Variants in LRFN5 observed in about 807,000 individuals in gnomAD.
The protein encoded by LRFN5 is leucine-rich repeat and fibronectin type-III domain-containing protein 5.
In LRFN5, 24 loss-of-function variants were observed where a neutral mutation model predicts 45.6. The ratio of observed to expected loss-of-function variants is 0.53; its 90% CI spans 0.38 to 0.74. The LOEUF is 0.74. Among genes scored for constraint, LRFN5 ranks in the 30% least tolerant of loss-of-function variants. The pLI is 0.00. For missense variants in LRFN5, 776 were observed against 861.5 expected (o/e 0.90, Z 1.24); for synonymous variants, 340 against 313.8 (o/e 1.08, Z -0.88).
chr14:41,824,528 G>A (rs984780036), intron 2 of LRFN5, among the ~76,000 whole-genome samples: 10 of 152,250 alleles, frequency 6.6e-5, no homozygotes, highest in Admixed American at 2.6e-4. Context: ...CTGAGATTGC[G>A]GAGCTCAGGA....
chr14:41,639,436 A>T (rs1346255267), intron 1 of LRFN5, among the ~76,000 whole-genome samples: 1 of 152,168 alleles, frequency 6.6e-6, no homozygotes, highest in African/African-American at 2.4e-5. Context: ...GAACTCTTCC[A>T]AGAACTGGAC....
At position 41,717,248 on chromosome 14, in the gene LRFN5, A is replaced by G. The variant is rs557188398; in HGVS notation, c.-196-49606A>G. Among the ~76,000 whole-genome samples the G allele has an allele frequency of 2.0e-5, 3 of 152,300 alleles. No homozygotes were observed. The South Asian group carries it at 6.2e-4, about 32-fold the overall frequency. The stretch of plus-strand genomic sequence containing the variant: ...ACTCAACCTCTATTACATCCCATTT[A>G]ATTGTCTTAGGCAAAACATGTTTGA... On this transcript the variant is annotated intron_variant, in intron 1 of 5. Transcript: ENST00000298119.
chr14:41,618,918 T>A (rs1306351885), intron 1 of LRFN5, among the ~76,000 whole-genome samples: 2 of 152,218 alleles, frequency 1.3e-5, no homozygotes, highest in East Asian at 3.9e-4. Context: ...GATTTCTCAG[T>A]AGGTAAAATT....
intron 2 of LRFN5, among the ~76,000 whole-genome samples, chr14:41,783,822 G>A (rs924985519): frequency 1.3e-5 from 2 of 151,982 alleles, no homozygotes; most frequent in African/African-American, 4.8e-5. Flanking sequence ...GAAGATTAGC[G>A]TTTTAGTTTC....
At chr14:41,631,546 A>G (rs547543374) in intron 1 of LRFN5, among the ~76,000 whole-genome samples, 2 of 152,156 alleles carry the variant, frequency 1.3e-5, no homozygotes, top group Non-Finnish European at 2.9e-5. Flanking sequence ...AGATTTAAAT[A>G]TATAAAATAT....
chr14:41,722,924 A>C, intron 1 of LRFN5, among the ~76,000 whole-genome samples: 1 of 152,202 alleles, frequency 6.6e-6, no homozygotes, highest in Non-Finnish European at 1.5e-5. Context: ...GGCAGGCGCA[A>C]GCACCAGTGC....
intron 1 of LRFN5, among the ~76,000 whole-genome samples, chr14:41,638,756 T>C (rs1267662237): frequency 6.6e-6 from 1 of 152,088 alleles, no homozygotes; most frequent in East Asian, 1.9e-4. Flanking sequence ...TAACATAAAC[T>C]AAATTATGTA....
chr14:41,672,964 T>C (rs1881304285), intron 1 of LRFN5, among the ~76,000 whole-genome samples: 1 of 147,264 alleles, frequency 6.8e-6, no homozygotes, highest in Non-Finnish European at 1.5e-5. Context: ...TATCCTATTT[T>C]TCTACACCAT....
intron 1 of LRFN5, among the ~76,000 whole-genome samples, chr14:41,729,771 T>C (rs1187740694): frequency 3.9e-5 from 6 of 152,078 alleles, no homozygotes; most frequent in Admixed American, 3.9e-4. Flanking sequence ...AAAAGAAATA[T>C]GTCCAAGTTA....
At chr14:41,758,497 A>C (rs964086303) in intron 1 of LRFN5, among the ~76,000 whole-genome samples, 3 of 152,168 alleles carry the variant, frequency 2.0e-5, no homozygotes, top group African/African-American at 4.8e-5. Flanking sequence ...TGGCCCATTC[A>C]TAAGCCTATG....
chr14:41,806,222 C>A (rs535635063), intron 2 of LRFN5, among the ~76,000 whole-genome samples: 16 of 152,160 alleles, frequency 1.1e-4, no homozygotes, highest in Admixed American at 9.8e-4. Flanking sequence ...TAACATTAAC[C>A]TTGCTAAATT....
At chr14:41,696,132 A>T (rs1480143049) in intron 1 of LRFN5, among the ~76,000 whole-genome samples, 1 of 151,962 alleles carries the variant, frequency 6.6e-6, no homozygotes, top group East Asian at 1.9e-4. Context: ...GATGTGAAAG[A>T]AATAGCAGGA....
intron 2 of LRFN5, among the ~76,000 whole-genome samples, chr14:41,874,102 A>G (rs1890111320): frequency 1.3e-5 from 2 of 152,190 alleles, no homozygotes; most frequent in Admixed American, 6.5e-5. Flanking sequence ...AGGCTGCTAT[A>G]TTGGAAGAAA....
Position 41,891,980 on chromosome 14 carries a change from C to T in LRFN5, c.2098+18C>T, listed in dbSNP as rs879122640. On this transcript the variant is annotated intron_variant, in intron 4 of 5. Coordinates refer to ENST00000298119, the MANE Select transcript of LRFN5 (RefSeq NM_152447.5). ...AAAGCCAAGTAAGTTTATCACTTTG[C>T]CTGCTGAGAGATCCGGAGCAAGGCA... is the stretch of plus-strand genomic sequence containing the variant. The T allele has an allele frequency of 3.7e-6, 6 of 1,605,712 alleles. No homozygotes were observed. In the Admixed American group the frequency reaches 5.2e-5, roughly 14 times the overall value.
Position 41,623,623 on chromosome 14 carries a change from G to A in LRFN5, c.-197+15061G>A, listed in dbSNP as rs1343117582. Among the ~76,000 whole-genome samples the A allele has an allele frequency of 6.6e-5, 10 of 152,094 alleles. No individual in the cohort carries two copies. In the East Asian group the frequency reaches 1.4e-3, roughly 21 times the overall value. ...AGATCAGTTTTAAATATAAACTTTCGGTGACTTTGCTATAAAGCTGTGTGA... is the reference window on the plus strand; with the variant it reads ...AGATCAGTTTTAAATATAAACTTTCAGTGACTTTGCTATAAAGCTGTGTGA... On this transcript the variant is annotated intron_variant, in intron 1 of 5. Transcript: ENST00000298119.
chr14:41,823,180 G>A (rs561263388), intron 2 of LRFN5, among the ~76,000 whole-genome samples: 8 of 151,976 alleles, frequency 5.3e-5, no homozygotes, highest in African/African-American at 1.9e-4. Flanking sequence ...ATAATGTTAA[G>A]TGTTACCTAG....
At chr14:41,671,179 T>G (rs1234539827) in intron 1 of LRFN5, among the ~76,000 whole-genome samples, 1 of 152,062 alleles carries the variant, frequency 6.6e-6, no homozygotes, top group East Asian at 1.9e-4. Flanking sequence ...TGAAAAGAAA[T>G]TAATATTATC....
intron 2 of LRFN5, among the ~76,000 whole-genome samples, chr14:41,783,938 C>A (rs1288671795): frequency 6.6e-6 from 1 of 152,002 alleles, no homozygotes; most frequent in Non-Finnish European, 1.5e-5. Flanking sequence ...AAGAAAAGTT[C>A]TATAGTACCC....
chr14:41,618,341 A>G (rs181353326), intron 1 of LRFN5, among the ~76,000 whole-genome samples: 16 of 152,296 alleles, frequency 1.1e-4, no homozygotes, highest in African/African-American at 3.6e-4. Context: ...CTTGCTTTCA[A>G]CAACAGGGAT....
Sources: gnomAD v4.1 joint callset for allele counts (sites outside exome capture counted in the v4.1 genomes callset) on GRCh38, gnomAD v4.1.1 for gene constraint, MANE v1.5 for transcripts, NCBI Gene and HGNC (gene_info 2026-07-23, HGNC 2026-07-21) for gene names.